MLLT10: variants seen among roughly 807,000 people sequenced by gnomAD.
MLLT10 encodes the protein MLLT10 histone lysine methyltransferase DOT1L cofactor, also known as protein AF-10.
In MLLT10, 30 loss-of-function variants were observed where a neutral mutation model predicts 129.1. The observed-to-expected ratio is 0.23, with a 90% CI of 0.17 to 0.32. The LOEUF is 0.32. MLLT10 is among the 10% of genes least tolerant of loss of function. The pLI, the probability that MLLT10 is intolerant of heterozygous loss-of-function variation, is 1.00. For synonymous variants in MLLT10, 490 were observed against 446.4 expected, an observed-to-expected ratio of 1.10 and a Z score of -1.23; for missense variants, 1,119 against 1,268.3, an observed-to-expected ratio of 0.88 and a Z score of 1.79.
rs370009272 is a variant in MLLT10, at chr10:21,740,252, T to G, written c.3162+16T>G. 5.6e-6 allele frequency: 9 copies of G among 1,609,198 alleles called. No individual in the cohort carries two copies. The African/African-American group carries it at 1.2e-4, about 22-fold the overall frequency. ...GAAAGTAGCAGTAAGTATATTTTCC[T>G]TACTACATCTAATGAAACAAGAACT... is the stretch of plus-strand genomic sequence containing the variant. On this transcript the variant is annotated intron_variant, in intron 22 of 22. Coordinates refer to ENST00000307729, the MANE Select transcript of MLLT10 (RefSeq NM_001195626.3).
chr10:21,594,904 T>C (rs896877469), intron 4 of MLLT10, among the ~76,000 whole-genome samples: 1 of 152,144 alleles, frequency 6.6e-6, no homozygotes, highest in African/African-American at 2.4e-5. Context: ...TTATTACTAA[T>C]ATTAAAAATA....
At chr10:21,555,040 C>G (rs897280233) in intron 3 of MLLT10, among the ~76,000 whole-genome samples, 1 of 151,746 alleles carries the variant, frequency 6.6e-6, no homozygotes, top group Admixed American at 6.6e-5. Flanking sequence ...AGGCTGGTCT[C>G]GAACTCCTGA....
At chr10:21,638,605 G>A (rs1472867052) in intron 8 of MLLT10, among the ~76,000 whole-genome samples, 1 of 152,054 alleles carries the variant, frequency 6.6e-6, no homozygotes, top group East Asian at 1.9e-4. Context: ...ATTTTGAGAG[G>A]CTGAGGTGGG....
chr10:21,549,233 C>T (rs576769429), intron 3 of MLLT10, among the ~76,000 whole-genome samples: 1 of 151,510 alleles, frequency 6.6e-6, no homozygotes, highest in East Asian at 2.0e-4. Flanking sequence ...AAGCAGTTCT[C>T]CTGCCTCAGC....
intron 5 of MLLT10, among the ~76,000 whole-genome samples, chr10:21,607,593 T>A (rs534396093): frequency 2.0e-5 from 3 of 152,332 alleles, no homozygotes; most frequent in African/African-American, 7.2e-5. Flanking sequence ...AATGCTGGGA[T>A]TACAGGCGTG....
At chr10:21,692,116 G>T (rs1299193998) in intron 13 of MLLT10, among the ~76,000 whole-genome samples, 1 of 151,816 alleles carries the variant, frequency 6.6e-6, no homozygotes, top group East Asian at 1.9e-4. Flanking sequence ...AGAGGCTGCA[G>T]TGACCTGAGA....
Position 21,670,701 on chromosome 10 carries a change from C to G in MLLT10, c.1048C>G (p.Gln350Glu). 6.2e-7 allele frequency: 1 copy of G among 1,613,212 alleles called. No individual in the cohort carries two copies. The highest frequency in any genetic ancestry group is 8.5e-7 in the Non-Finnish European group (1 of 1,179,660). Residue 350 changes from glutamine (Q) to glutamate (E), a missense_variant, in exon 10 of 23, where the codon CAA (glutamine) becomes GAA (glutamate). Around this residue, in one of 5 missense-constraint regions of MLLT10, gnomAD observed 1,004 missense variants for 1,008.7 expected, o/e 1.00. Transcript: ENST00000307729. ...TTVSAASPFP[Q>E]GSFSGTPGSV... ...TGTGTCAGCAGCTAGCCCTTTTCCT[C>G]AAGGTATTAGTGATGTTTTAGTTAA...
intron 4 of MLLT10, among the ~76,000 whole-genome samples, chr10:21,590,190 C>G (rs1294779294): frequency 6.6e-6 from 1 of 152,162 alleles, no homozygotes; most frequent in Admixed American, 6.5e-5. Flanking sequence ...ATCCTCCTGC[C>G]TCATCCTTCC....
At position 21,667,068 on chromosome 10, in the gene MLLT10, G is replaced by A. The variant is rs2050878627; in HGVS notation, c.796-3381G>A. Among the ~76,000 whole-genome samples, 3 of 152,020 alleles carry A rather than the reference G, an allele frequency of 2.0e-5. No homozygotes were observed. In the South Asian group the frequency reaches 6.2e-4, roughly 31 times the overall value. On this transcript the variant is annotated intron_variant, in intron 9 of 22. Coordinates refer to ENST00000307729, the MANE Select transcript of MLLT10 (RefSeq NM_001195626.3). ...CCAAAAAAGCCTTTATTTTGTATTTGTTTTAGAAAGATATTTTATAATAGC... is the reference window on the plus strand; with the variant it reads ...CCAAAAAAGCCTTTATTTTGTATTTATTTTAGAAAGATATTTTATAATAGC...
chr10:21,556,539 T>G, intron 3 of MLLT10: 1 of 831,632 alleles, frequency 1.2e-6, no homozygotes, highest in South Asian at 1.8e-5. Flanking sequence ...ATTTCTTCCA[T>G]TTACCCTCTC....
intron 3 of MLLT10, among the ~76,000 whole-genome samples, chr10:21,548,002 T>C (rs963443065): frequency 1.3e-5 from 2 of 152,188 alleles, no homozygotes; most frequent in Non-Finnish European, 2.9e-5. Flanking sequence ...GGTCTGAGGC[T>C]AGTAAGTAAT....
chr10:21,667,138 C>A (rs997124133), intron 9 of MLLT10, among the ~76,000 whole-genome samples: 7 of 151,998 alleles, frequency 4.6e-5, no homozygotes, highest in African/African-American at 1.7e-4. Context: ...TTAGTACTCT[C>A]CTGTTTTCTA....
At chr10:21,575,740 C>T (rs561670713) in intron 3 of MLLT10, among the ~76,000 whole-genome samples, 63 of 152,092 alleles carry the variant, frequency 4.1e-4, no homozygotes, top group African/African-American at 1.5e-3. Flanking sequence ...AATATCTTAC[C>T]ACGTTTGGGG....
chr10:21,738,365 G>T lies in MLLT10; in HGVS notation c.2956-1665G>T, dbSNP rs1016283897. The T allele has an allele frequency of 4.7e-6, 6 of 1,264,974 alleles. No individual in the cohort carries two copies. The African/African-American group carries it at 9.2e-5, about 19-fold the overall frequency. 78.4% of individuals were successfully genotyped at this position (1,264,974 alleles called of 1,614,324 possible). ...ATGAGCACTAAAACTCCATTTATTT[G>T]GGTGTCTTCCTATTAATCAAGATTT... On this transcript the variant is annotated intron_variant, in intron 21 of 22. Coordinates refer to ENST00000307729, the MANE Select transcript of MLLT10 (RefSeq NM_001195626.3).
chr10:21,602,012 C>G (rs1410750163), intron 5 of MLLT10, among the ~76,000 whole-genome samples: 1 of 152,100 alleles, frequency 6.6e-6, no homozygotes, highest in Non-Finnish European at 1.5e-5. Context: ...TAAGACAGGT[C>G]AAATTTGAGA....
Position 21,734,062 on chromosome 10 carries a change from A to G in MLLT10, c.2791A>G (p.Thr931Ala), listed in dbSNP as rs1589889840. Reference protein sequence around the residue: ...QTPVTMSQNPTPLTHTTVPPN... With the variant: ...QTPVTMSQNPAPLTHTTVPPN... ...TCCTGTCACAATGTCCCAGAACCCT[A>G]CCCCTCTCACCCACACAACCGTACC... Residue 931 changes from threonine (T) to alanine (A), a missense_variant, in exon 20 of 23, where the codon ACC (threonine) becomes GCC (alanine). By Grantham distance (58) the Thr-to-Ala change is moderately conservative. Transcript: ENST00000307729. The G allele has an allele frequency of 6.2e-7, 1 of 1,614,034 alleles. No homozygotes were observed. Among genetic ancestry groups the G allele is most frequent in the Non-Finnish European group, 8.5e-7 (1 of 1,179,978 alleles).
chr10:21,683,488 T>C (rs1177541609), intron 13 of MLLT10, among the ~76,000 whole-genome samples: 1 of 152,256 alleles, frequency 6.6e-6, no homozygotes, highest in Non-Finnish European at 1.5e-5. Flanking sequence ...AATTGTTCTT[T>C]AATTCTTTAA....
chr10:21,670,750 A>G (rs1284278013), intron 10 of MLLT10, 46 bp downstream of exon 10: 6 of 1,559,206 alleles, frequency 3.8e-6, no homozygotes, highest in Non-Finnish European at 3.5e-6. Flanking sequence ...AAGATGGTTA[A>G]TAATAGTTAT....
At chr10:21,648,913 T>C (rs2048761663) in intron 8 of MLLT10, among the ~76,000 whole-genome samples, 1 of 152,072 alleles carries the variant, frequency 6.6e-6, no homozygotes, top group African/African-American at 2.4e-5. Context: ...TTCACTATCA[T>C]GAGAACAGCA....
Sources: allele counts gnomAD v4.1 joint callset (sites outside exome capture counted in the v4.1 genomes callset), GRCh38; gene constraint gnomAD v4.1.1; regional missense constraint gnomAD v4.1.1; transcripts MANE v1.5; gene names NCBI Gene and HGNC (gene_info 2026-07-23, HGNC 2026-07-21).